RGS7: variants seen among roughly 807,000 people sequenced by gnomAD.
RGS7 encodes the protein regulator of G-protein signaling 7.
RGS7 carries 27 observed loss-of-function variants against 81.1 expected under a neutral mutation model. The observed-to-expected ratio is 0.33, with a 90% CI of 0.25 to 0.46. RGS7 has a LOEUF of 0.46. Among genes scored for constraint, RGS7 ranks in the 20% least tolerant of loss-of-function variants. The probability of loss-of-function intolerance (pLI) is 1.00; values close to 1 mark genes in which losing one functional copy is unlikely to be tolerated. For synonymous variants in RGS7, 208 were observed against 207.7 expected (o/e 1.00, Z -0.01); for missense variants, 396 against 607.4 (o/e 0.65, Z 3.66).
chr1:240,956,783 C>T lies in RGS7; in HGVS notation c.227-20077G>A, dbSNP rs531326678. ...GGTAAAAGGATCCATGGTTTTCTGACGTGATGACAACAGCACTTTCCCTTT... is the reference window on the plus strand; with the variant it reads ...GGTAAAAGGATCCATGGTTTTCTGATGTGATGACAACAGCACTTTCCCTTT... On this transcript the variant is annotated intron_variant, in intron 4 of 18. Transcript: ENST00000440928. Among the ~76,000 whole-genome samples the T allele has an allele frequency of 3.1e-4, 47 of 151,948 alleles. No homozygotes were observed. In the South Asian group the frequency reaches 4.2e-3, roughly 13 times the overall value.
At chr1:240,973,466 C>T (rs1337646260) in intron 4 of RGS7, among the ~76,000 whole-genome samples, 2 of 150,560 alleles carry the variant, frequency 1.3e-5, no homozygotes, top group African/African-American at 4.9e-5. Flanking sequence ...GCCGAGATCA[C>T]GCCACTGCAC....
At chr1:241,143,191 A>C (rs1424281478) in intron 2 of RGS7, among the ~76,000 whole-genome samples, 2 of 152,120 alleles carry the variant, frequency 1.3e-5, no homozygotes, top group Non-Finnish European at 2.9e-5. Context: ...CTCACATTTT[A>C]CTGTCTTCTT....
intron 4 of RGS7, among the ~76,000 whole-genome samples, chr1:240,971,866 T>A (rs1218684292): frequency 1.3e-5 from 2 of 152,170 alleles, no homozygotes; most frequent in East Asian, 3.9e-4. Flanking sequence ...GACAATAAAA[T>A]ATATATTTTG....
intron 2 of RGS7, among the ~76,000 whole-genome samples, chr1:241,127,063 C>T (rs958090620): frequency 6.6e-6 from 1 of 151,990 alleles, no homozygotes; most frequent in Non-Finnish European, 1.5e-5. Flanking sequence ...GGAGAATATG[C>T]ACATAAACAT....
chr1:240,885,639 T>A (rs976417223), intron 6 of RGS7, among the ~76,000 whole-genome samples: 1 of 152,116 alleles, frequency 6.6e-6, no homozygotes, highest in Non-Finnish European at 1.5e-5. Context: ...AGTAAACTCA[T>A]GCAGGAACAG....
intron 3 of RGS7, among the ~76,000 whole-genome samples, chr1:241,010,805 G>C (rs1197224225): frequency 6.6e-6 from 1 of 152,074 alleles, no homozygotes; most frequent in Non-Finnish European, 1.5e-5. Context: ...ATGTCAACAG[G>C]GAGAATATGC....
At chr1:240,967,582 A>AG (rs1491429543) in intron 4 of RGS7, among the ~76,000 whole-genome samples, 6 of 109,556 alleles carry the variant, frequency 5.5e-5, no homozygotes, top group Admixed American at 8.9e-5. Context: ...GGGGGGGGGG[A>AG]AAAGGCTGTA....
intron 3 of RGS7, among the ~76,000 whole-genome samples, chr1:241,065,510 G>C (rs2148848763): frequency 6.6e-6 from 1 of 152,190 alleles, no homozygotes; most frequent in East Asian, 1.9e-4. Context: ...ATGCCAGGTT[G>C]AAGTTCAATA....
intron 3 of RGS7, among the ~76,000 whole-genome samples, chr1:241,086,054 G>C (rs2063421783): frequency 2.0e-5 from 3 of 152,130 alleles, no homozygotes; most frequent in Admixed American, 2.0e-4. Context: ...GTTCCATAGA[G>C]GCCCATCATC....
intron 2 of RGS7, among the ~76,000 whole-genome samples, chr1:241,220,576 T>C (rs963637847): frequency 1.3e-5 from 2 of 152,162 alleles, no homozygotes; most frequent in Admixed American, 1.3e-4. Flanking sequence ...AATCCTAGGC[T>C]GTAATTATGT....
Position 240,989,125 on chromosome 1 carries a change from C to G in RGS7, c.176-5996G>C, listed in dbSNP as rs1178829074. 2.0e-5 allele frequency among the ~76,000 whole-genome samples: 3 copies of G among 151,926 alleles called. No homozygotes were observed. In the East Asian group the frequency reaches 5.8e-4, roughly 29 times the overall value. ...TATTTAGTCTTGTCTAATCTGTCCT[C>G]CTGTAGAAAAAATGTATTAAGATAC... On this transcript the variant is annotated intron_variant, in intron 3 of 18. Transcript: ENST00000440928.
intron 2 of RGS7, among the ~76,000 whole-genome samples, chr1:241,205,897 A>T (rs2073847316): frequency 6.6e-6 from 1 of 152,204 alleles, no homozygotes; most frequent in African/African-American, 2.4e-5. Flanking sequence ...AAATATTAAT[A>T]GACCTATGGA....
chr1:241,159,798 G>T (rs1478502621), intron 2 of RGS7, among the ~76,000 whole-genome samples: 2 of 151,916 alleles, frequency 1.3e-5, no homozygotes, highest in East Asian at 3.9e-4. Context: ...GGGAAGAGGA[G>T]AAAGGGAGAG....
chr1:241,307,487 G>T (rs939182386), intron 2 of RGS7, among the ~76,000 whole-genome samples: 1 of 151,994 alleles, frequency 6.6e-6, no homozygotes, highest in Non-Finnish European at 1.5e-5. Context: ...TTAATTCACT[G>T]AGCGATCTCA....
intron 5 of RGS7, among the ~76,000 whole-genome samples, chr1:240,934,809 T>C (rs1219346383): frequency 1.3e-5 from 2 of 151,758 alleles, no homozygotes; most frequent in African/African-American, 2.4e-5. Context: ...CCTTGCTTTG[T>C]TCTAAAGCTC....
chr1:240,847,677 C>T (rs1425838738), intron 9 of RGS7, among the ~76,000 whole-genome samples: 3 of 152,168 alleles, frequency 2.0e-5, no homozygotes, highest in Non-Finnish European at 4.4e-5. Context: ...ATAAATTTTG[C>T]ATGAGACTTT....
chr1:241,341,357 T>C (rs999437217), intron 2 of RGS7, among the ~76,000 whole-genome samples: 2 of 152,160 alleles, frequency 1.3e-5, no homozygotes, highest in Non-Finnish European at 2.9e-5. Context: ...TGAAAATAAT[T>C]AATAACAAGT....
chr1:241,207,348 C>CATATATAT lies in RGS7; in HGVS notation c.79-108594_79-108587dup, dbSNP rs540737449. Among the ~76,000 whole-genome samples, 552 of 143,768 alleles carry CATATATAT rather than the reference C, an allele frequency of 3.8e-3. 10 individuals are homozygous for CATATATAT. Among genetic ancestry groups the CATATATAT allele is most frequent in the African/African-American group, 0.013 (530 of 40,160 alleles). 94.3% of individuals were successfully genotyped at this position (143,768 alleles called of 152,430 possible). On this transcript the variant is annotated intron_variant, in intron 2 of 18. Coordinates refer to ENST00000440928, the MANE Select transcript of RGS7 (RefSeq NM_001364886.1). ...GGTATGGAGTATGCACTTTAAAATG[C>CATATATAT]ATATATATATATGCGTAAATATACA... is the stretch of plus-strand genomic sequence containing the variant.
chr1:241,029,331 C>T (rs1163362079), intron 3 of RGS7, among the ~76,000 whole-genome samples: 1 of 151,984 alleles, frequency 6.6e-6, no homozygotes, highest in East Asian at 1.9e-4. Context: ...AATTTAAAAC[C>T]CCATGTAATT....
Sources: allele counts gnomAD v4.1 joint callset (sites outside exome capture counted in the v4.1 genomes callset), GRCh38; gene constraint gnomAD v4.1.1; transcripts MANE v1.5; gene names NCBI Gene and HGNC (gene_info 2026-07-23, HGNC 2026-07-21).